Variants in PRKN observed in about 807,000 individuals in gnomAD.
PRKN encodes E3 ubiquitin-protein ligase parkin.
A neutral mutation model predicts 59.5 loss-of-function variants in PRKN; 56 were observed. The observed-to-expected ratio is 0.94, with a 90% CI of 0.76 to 1.18. The LOEUF (loss-of-function observed/expected upper bound fraction) is 1.18. PRKN is among the 50% of genes most tolerant of loss of function. The probability of loss-of-function intolerance (pLI) is 0.00; values close to 1 mark genes in which losing one functional copy is unlikely to be tolerated. For missense variants in PRKN, 657 were observed against 596.4 expected, an observed-to-expected ratio of 1.10 and a Z score of -1.06; for synonymous variants, 250 against 222.1, an observed-to-expected ratio of 1.13 and a Z score of -1.12.
chr6:162,523,265 G>A (rs4708967), intron 1 of PRKN, among the ~76,000 whole-genome samples: 1 of 152,342 alleles, frequency 6.6e-6, no homozygotes, highest in African/African-American at 2.4e-5. Flanking sequence ...CCAAGGACAA[G>A]GAGATGAGTT....
intron 1 of PRKN, among the ~76,000 whole-genome samples, chr6:162,518,878 T>C (rs1313955756): frequency 5.3e-5 from 8 of 152,210 alleles, no homozygotes; most frequent in African/African-American, 1.9e-4. Context: ...ATGGAGTAGT[T>C]TCACAAAGCA....
intron 1 of PRKN, among the ~76,000 whole-genome samples, chr6:162,598,400 T>G (rs1781568254): frequency 6.6e-6 from 1 of 152,090 alleles, no homozygotes; most frequent in African/African-American, 2.4e-5. Context: ...CTCACAACTG[T>G]GAATACAGAA....
At chr6:161,714,510 G>C (rs1184215290) in intron 7 of PRKN, among the ~76,000 whole-genome samples, 1 of 152,152 alleles carries the variant, frequency 6.6e-6, no homozygotes, top group African/African-American at 2.4e-5. Context: ...CTTTATCTTG[G>C]ACTTCCCGGC....
chr6:161,867,596 C>A (rs965982855), intron 6 of PRKN, among the ~76,000 whole-genome samples: 1 of 151,996 alleles, frequency 6.6e-6, no homozygotes, highest in East Asian at 1.9e-4. Flanking sequence ...ATGATGATGT[C>A]TGTTTAGATT....
chr6:162,011,376 T>A lies in PRKN; in HGVS notation c.619-37959A>T, dbSNP rs186681663. Among the ~76,000 whole-genome samples the A allele has an allele frequency of 6.3e-5, 2 of 31,940 alleles. 1 individual carries two copies. Among genetic ancestry groups the A allele is most frequent in the East Asian group, 2.2e-3 (2 of 898 alleles). 21.0% of individuals were successfully genotyped at this position (31,940 alleles called of 152,430 possible). On this transcript the variant is annotated intron_variant, in intron 5 of 11. Transcript: ENST00000366898. The stretch of plus-strand genomic sequence containing the variant: ...ATATATTTATAATATATATAATATA[T>A]TATATATTTATAATATATATTATAA...
At chr6:162,574,007 G>A (rs1339931984) in intron 1 of PRKN, among the ~76,000 whole-genome samples, 1 of 152,276 alleles carries the variant, frequency 6.6e-6, no homozygotes, top group African/African-American at 2.4e-5. Context: ...AACTTGATAC[G>A]AAAGGCATGC....
intron 2 of PRKN, among the ~76,000 whole-genome samples, chr6:162,360,563 CATAAA>C (rs1237528515): frequency 6.6e-6 from 1 of 152,016 alleles, no homozygotes; most frequent in Non-Finnish European, 1.5e-5. Context: ...AAAATAAGCA[CATAAA>C]ATAAGTCATT....
intron 7 of PRKN, among the ~76,000 whole-genome samples, chr6:161,644,173 G>A (rs369063706): frequency 6.6e-6 from 1 of 152,056 alleles, no homozygotes; most frequent in East Asian, 1.9e-4. Context: ...AGGGATGCTT[G>A]GAGTCAGCTA....
intron 1 of PRKN, among the ~76,000 whole-genome samples, chr6:162,444,932 ATCGTCTTG>A (rs1790237497): frequency 6.6e-6 from 1 of 152,196 alleles, no homozygotes; most frequent in Non-Finnish European, 1.5e-5. Context: ...ATTTAAAACT[ATCGTCTTG>A]TAACATTTAA....
rs577350591 is a variant in PRKN, at chr6:162,078,079, T to G, written c.535-23905A>C. Among the ~76,000 whole-genome samples, 112 of 152,036 alleles carry G rather than the reference T, an allele frequency of 7.4e-4. 1 individual carries two copies. The highest frequency in any genetic ancestry group is 2.5e-3 in the African/African-American group (103 of 41,422). ...CTACATTTCAACTGATTATAGCATA[T>G]GGGATAAGTTGAAATTTGATATTCC... On this transcript the variant is annotated intron_variant, in intron 4 of 11. Transcript: ENST00000366898.
intron 6 of PRKN, among the ~76,000 whole-genome samples, chr6:161,831,784 C>T (rs1350093226): frequency 7.1e-6 from 1 of 140,196 alleles, no homozygotes; most frequent in Non-Finnish European, 1.6e-5. Flanking sequence ...ATAAGAGGTT[C>T]AGGGAGGGAA....
chr6:162,540,807 CAAA>C (rs59944356), intron 1 of PRKN, among the ~76,000 whole-genome samples: 3 of 126,450 alleles, frequency 2.4e-5, no homozygotes, highest in African/African-American at 3.0e-5. Context: ...AACTCTGGCT[CAAA>C]AAAAAAAAAA....
rs1789484913 is a variant in PRKN at position 161,446,212 on chromosome 6, T to G, written c.1084-59335A>C. Among the ~76,000 whole-genome samples, 1 of 152,088 alleles carries G rather than the reference T, an allele frequency of 6.6e-6. No homozygotes were observed. The highest frequency in any genetic ancestry group is 1.5e-5 in the Non-Finnish European group (1 of 68,018). ...CAGCCTTGGCAACAGAGAGAGATCT[T>G]ATCTCAGAACAAAACAAAAAAATTG... On this transcript the variant is annotated intron_variant, in intron 9 of 11. Transcript: ENST00000366898. This position sits in a 1 kb window ranked among gnomAD's most constrained non-coding sequence, Gnocchi z 6.2.
chr6:161,856,849 T>C (rs1793676210), intron 6 of PRKN, among the ~76,000 whole-genome samples: 1 of 152,004 alleles, frequency 6.6e-6, no homozygotes, highest in Non-Finnish European at 1.5e-5. Flanking sequence ...TAAACTAGAG[T>C]TTATATAAAT....
intron 5 of PRKN, among the ~76,000 whole-genome samples, chr6:162,003,693 T>C (rs1782145623): frequency 6.6e-6 from 1 of 152,194 alleles, no homozygotes; most frequent in African/African-American, 2.4e-5. Context: ...TGTTTATGCA[T>C]TGACCTGTTA....
intron 1 of PRKN, among the ~76,000 whole-genome samples, chr6:162,554,952 G>C (rs1318422989): frequency 6.6e-6 from 1 of 152,168 alleles, no homozygotes; most frequent in Non-Finnish European, 1.5e-5. Flanking sequence ...GAGGAATTCT[G>C]TGCTACACCT....
At position 161,904,540 on chromosome 6, in the gene PRKN, C is replaced by T. The variant is rs377072931; in HGVS notation, c.734+68762G>A. ...CTGTGTCAGCCAGGACGGTCTCGAT[C>T]TCCTGACCTCATGATCTGCCTGCCT... On this transcript the variant is annotated intron_variant, in intron 6 of 11. Transcript: ENST00000366898. Among the ~76,000 whole-genome samples the T allele has an allele frequency of 1.3e-3, 200 of 152,212 alleles. 1 individual carries two copies. Among genetic ancestry groups the T allele is most frequent in the African/African-American group, 4.5e-3 (189 of 41,544 alleles).
intron 9 of PRKN, among the ~76,000 whole-genome samples, chr6:161,452,049 G>A (rs1011540116): frequency 9.9e-5 from 15 of 151,306 alleles, no homozygotes; most frequent in East Asian, 3.9e-4. Flanking sequence ...TCCCCCTCCC[G>A]GGTTCAAGCG....
At chr6:161,947,242 ATC>A (rs1779816504) in intron 6 of PRKN, among the ~76,000 whole-genome samples, 1 of 152,238 alleles carries the variant, frequency 6.6e-6, no homozygotes, top group African/African-American at 2.4e-5. Flanking sequence ...TAGAATAATT[ATC>A]TCTTTTATTG....
Sources: gnomAD v4.1 joint callset for allele counts (sites outside exome capture counted in the v4.1 genomes callset) on GRCh38, gnomAD v4.1.1 for gene constraint, Gnocchi (gnomAD v3.1) non-coding constraint, MANE v1.5 for transcripts, NCBI Gene and HGNC (gene_info 2026-07-23, HGNC 2026-07-21) for gene names.